Variants in GFRAL observed in about 807,000 individuals in gnomAD.
GFRAL encodes the protein GDNF family receptor alpha like.
In GFRAL, 36 loss-of-function variants were observed where a neutral mutation model predicts 45.4. That is an observed-to-expected ratio of 0.79 (90% CI 0.61 to 1.05). The LOEUF is 1.05. Ranked by LOEUF, GFRAL falls within the 50% of genes least tolerant of loss-of-function variation. The pLI, the probability that GFRAL is intolerant of heterozygous loss-of-function variation, is 0.00. For missense variants in GFRAL, 507 were observed against 467.5 expected (o/e 1.08, Z -0.78); for synonymous variants, 166 against 154.1 (o/e 1.08, Z -0.57).
chr6:55,393,690 T>C (rs567646650), intron 6 of GFRAL, among the ~76,000 whole-genome samples: 1 of 152,036 alleles, frequency 6.6e-6, no homozygotes, highest in Non-Finnish European at 1.5e-5. Context: ...AAGAAGCCTC[T>C]TGGTGGCTGG....
intron 6 of GFRAL, among the ~76,000 whole-genome samples, chr6:55,380,261 A>G (rs1340931741): frequency 6.6e-6 from 1 of 151,888 alleles, no homozygotes; most frequent in African/African-American, 2.4e-5. Context: ...GGGTTTCTAT[A>G]TTAAGGTTTT....
intron 6 of GFRAL, among the ~76,000 whole-genome samples, chr6:55,384,506 TAAAAGTC>T (rs1768654946): frequency 6.6e-6 from 1 of 152,046 alleles, no homozygotes; most frequent in South Asian, 2.1e-4. Context: ...ATGGGACAGA[TAAAAGTC>T]AAGAGTCAGA....
chr6:55,331,716 T>A lies in GFRAL; in HGVS notation c.24T>A (p.Ala8=). 6.2e-7 allele frequency: 1 copy of A among 1,605,484 alleles called. No individual in the cohort carries two copies. Among genetic ancestry groups the A allele is most frequent in the Non-Finnish European group, 8.5e-7 (1 of 1,177,318 alleles). The part of the protein sequence containing the change: MIVFIFL[A]MGLSLENEYT... ...TTGTTTTTGTTGTTGTTATTCAAGC[T>A]ATGGGGTTAAGCTTGGAAAATGAAT... is the stretch of plus-strand genomic sequence containing the variant. The change falls in exon 2 of 9, where the codon GCT becomes GCA. Residue 8 remains alanine, a splice_region_variant and synonymous_variant. Transcript: ENST00000340465.
intron 3 of GFRAL, among the ~76,000 whole-genome samples, chr6:55,340,223 G>A (rs145126447): frequency 0.013 from 1,988 of 152,216 alleles, 22 homozygotes; most frequent in Non-Finnish European, 0.022. Context: ...ATCCTCCACA[G>A]ACCTTCTAAT....
At chr6:55,330,725 G>A (rs1262486051) in intron 1 of GFRAL, among the ~76,000 whole-genome samples, 1 of 151,966 alleles carries the variant, frequency 6.6e-6, no homozygotes, top group African/African-American at 2.4e-5. Context: ...TAGTTTAAAG[G>A]ATATAAAACA....
At chr6:55,373,835 ATCATC>A (rs1417768442) in intron 6 of GFRAL, among the ~76,000 whole-genome samples, 3 of 151,968 alleles carry the variant, frequency 2.0e-5, no homozygotes, top group African/African-American at 7.3e-5. Flanking sequence ...TGCTGCACAG[ATCATC>A]CCATCACCTA....
chr6:55,367,447 A>T (rs1384241328), intron 6 of GFRAL, among the ~76,000 whole-genome samples: 1 of 144,600 alleles, frequency 6.9e-6, no homozygotes, highest in Admixed American at 6.8e-5. Context: ...TTACATTTAA[A>T]GTTAATATTG....
At chr6:55,344,045 T>C (rs1768006264) in intron 3 of GFRAL, among the ~76,000 whole-genome samples, 1 of 152,052 alleles carries the variant, frequency 6.6e-6, no homozygotes, top group Non-Finnish European at 1.5e-5. Context: ...CAGTAATTAA[T>C]AGCCTACCAA....
At chr6:55,360,736 T>C (rs908454561) in intron 6 of GFRAL, among the ~76,000 whole-genome samples, 5 of 152,102 alleles carry the variant, frequency 3.3e-5, no homozygotes, top group East Asian at 3.9e-4. Context: ...AAAATACTTA[T>C]AATGAATGGC....
At chr6:55,351,999 C>G (rs1472504188) in intron 5 of GFRAL, among the ~76,000 whole-genome samples, 1 of 151,842 alleles carries the variant, frequency 6.6e-6, no homozygotes, top group Non-Finnish European at 1.5e-5. Context: ...TTCTTTCTGT[C>G]TTAGGCTGGA....
chr6:55,350,528 A>C (rs1414487039), intron 4 of GFRAL, among the ~76,000 whole-genome samples: 1 of 151,886 alleles, frequency 6.6e-6, no homozygotes, highest in Non-Finnish European at 1.5e-5. Context: ...AAAACAAAAC[A>C]AAAACAAAAA....
intron 5 of GFRAL, among the ~76,000 whole-genome samples, chr6:55,357,102 T>C (rs996037183): frequency 6.6e-6 from 1 of 151,952 alleles, no homozygotes; most frequent in Admixed American, 6.6e-5. Context: ...ACTTGCTTTT[T>C]AGCTAACATA....
intron 4 of GFRAL, 54 bp from the exon 5 acceptor site, chr6:55,351,199 T>C: frequency 8.3e-7 from 1 of 1,208,252 alleles, no homozygotes; most frequent in South Asian, 1.4e-5. Context: ...ATAGTTTCTG[T>C]ATGTACAGCT....
intron 3 of GFRAL, among the ~76,000 whole-genome samples, chr6:55,341,689 T>C (rs1294146478): frequency 6.6e-6 from 1 of 152,014 alleles, no homozygotes; most frequent in Non-Finnish European, 1.5e-5. Flanking sequence ...CTTTGACGAG[T>C]TCAGAGAATA....
intron 6 of GFRAL, among the ~76,000 whole-genome samples, chr6:55,374,957 T>A (rs938962408): frequency 2.6e-5 from 4 of 152,008 alleles, no homozygotes; most frequent in Admixed American, 2.6e-4. Flanking sequence ...ATTTTTGAGC[T>A]CTCTATTCTC....
chr6:55,378,489 C>G (rs1331626571), intron 6 of GFRAL, among the ~76,000 whole-genome samples: 1 of 151,776 alleles, frequency 6.6e-6, no homozygotes, highest in Non-Finnish European at 1.5e-5. Context: ...TCTGTCAGGC[C>G]CATGCATAGC....
chr6:55,373,782 G>A (rs199870089), intron 6 of GFRAL, among the ~76,000 whole-genome samples: 1 of 151,882 alleles, frequency 6.6e-6, no homozygotes, highest in East Asian at 1.9e-4. Context: ...ACATGTGCAG[G>A]ATATACGGTT....
At chr6:55,384,921 A>G (rs1166712297) in intron 6 of GFRAL, among the ~76,000 whole-genome samples, 4 of 151,876 alleles carry the variant, frequency 2.6e-5, no homozygotes, top group East Asian at 3.9e-4. Flanking sequence ...GAATGCTCCA[A>G]CCTTGCTGAT....
chr6:55,368,789 G>A (rs559528717), intron 6 of GFRAL, among the ~76,000 whole-genome samples: 3 of 152,340 alleles, frequency 2.0e-5, no homozygotes, highest in African/African-American at 7.2e-5. Flanking sequence ...TGAGGAGGCA[G>A]TCTGCCCATT....
Sources: gnomAD v4.1 joint callset for allele counts (sites outside exome capture counted in the v4.1 genomes callset) on GRCh38, gnomAD v4.1.1 for gene constraint, MANE v1.5 for transcripts, NCBI Gene and HGNC (gene_info 2026-07-23, HGNC 2026-07-21) for gene names.